Variants in TRIT1 observed in about 807,000 individuals in gnomAD.
The protein encoded by TRIT1 is tRNA dimethylallyltransferase.
In TRIT1, 43 loss-of-function variants were observed where a neutral mutation model predicts 51.2. That is an observed-to-expected ratio of 0.84 (90% CI 0.66 to 1.08). TRIT1 has a LOEUF of 1.08. TRIT1 is among the 50% of genes least tolerant of loss of function. TRIT1 has a pLI of 0.00. For synonymous variants in TRIT1, 184 were observed against 203.9 expected, an observed-to-expected ratio of 0.90 and a Z score of 0.83; for missense variants, 528 against 578.4, an observed-to-expected ratio of 0.91 and a Z score of 0.89.
At chr1:39,867,850 T>C (rs1377185684) in intron 1 of TRIT1, among the ~76,000 whole-genome samples, 1 of 152,198 alleles carries the variant, frequency 6.6e-6, no homozygotes, top group Non-Finnish European at 1.5e-5. Context: ...GACTCTGGTA[T>C]ATTTGTTTGC....
intron 5 of TRIT1, 78 bp from the exon 6 acceptor site, chr1:39,848,175 G>A (rs1175628554): frequency 1.4e-5 from 14 of 1,033,414 alleles, no homozygotes; most frequent in Middle Eastern, 2.1e-4. Flanking sequence ...GTGAACAGGT[G>A]GTCACAAAAA....
chr1:39,873,606 C>T lies in TRIT1; in HGVS notation c.174+9712G>A, dbSNP rs186686501. Among the ~76,000 whole-genome samples the T allele has an allele frequency of 1.2e-3, 188 of 152,192 alleles. 1 individual carries two copies. The highest frequency in any genetic ancestry group is 4.3e-3 in the African/African-American group (179 of 41,510). On this transcript the variant is annotated intron_variant, in intron 1 of 10. Transcript: ENST00000316891. ...CTATAATTTAGTTAATAGTATTGTACCTATATCAATTTCTTAGTTTTAATA... is the reference window on the plus strand; with the variant it reads ...CTATAATTTAGTTAATAGTATTGTATCTATATCAATTTCTTAGTTTTAATA...
Position 39,841,739 on chromosome 1 carries a change from G to T in TRIT1, c.*5C>A. The T allele has an allele frequency of 6.2e-7, 1 of 1,606,504 alleles. No individual in the cohort carries two copies. Reference sequence around the variant, plus strand: ...CACCTTTCCAAAGGCCACTGGACATGTCTCTTAAACGCTGCATTTCAGCTC... The same window carrying T: ...CACCTTTCCAAAGGCCACTGGACATTTCTCTTAAACGCTGCATTTCAGCTC... On this transcript the variant is annotated 3_prime_UTR_variant, in exon 11 of 11. Coordinates refer to ENST00000316891, the MANE Select transcript of TRIT1 (RefSeq NM_017646.6).
intron 6 of TRIT1, 100 bp downstream of exon 6, chr1:39,847,886 G>T: frequency 1.5e-6 from 2 of 1,365,606 alleles, no homozygotes; most frequent in Non-Finnish European, 2.0e-6. Flanking sequence ...CTGCAAAGAA[G>T]GCTGATAAAC....
At chr1:39,879,563 T>C (rs1379296595) in intron 1 of TRIT1, among the ~76,000 whole-genome samples, 2 of 151,844 alleles carry the variant, frequency 1.3e-5, no homozygotes, top group Non-Finnish European at 2.9e-5. Context: ...GGAGGACTGC[T>C]TGAACTCAGG....
At chr1:39,869,412 T>G (rs1269385185) in intron 1 of TRIT1, among the ~76,000 whole-genome samples, 2 of 152,206 alleles carry the variant, frequency 1.3e-5, no homozygotes, top group African/African-American at 2.4e-5. Flanking sequence ...GTGCTCAATG[T>G]TGCACAGGCT....
chr1:39,848,861 AC>A, intron 5 of TRIT1, among the ~76,000 whole-genome samples: 1 of 151,462 alleles, frequency 6.6e-6, no homozygotes, highest in Admixed American at 6.6e-5. Flanking sequence ...ATTCTAAACT[AC>A]TGAGCCAAGC....
intron 1 of TRIT1, among the ~76,000 whole-genome samples, chr1:39,860,991 C>T (rs928001725): frequency 5.3e-5 from 8 of 152,228 alleles, no homozygotes; most frequent in South Asian, 2.1e-4. Flanking sequence ...GCAGGAGAAT[C>T]GCTTGAACCC....
Position 39,839,119 on chromosome 1 carries a change from T to C in TRIT1, c.*2625A>G, listed in dbSNP as rs1652478191. Among the ~76,000 whole-genome samples, 1 of 152,200 alleles carries C rather than the reference T, an allele frequency of 6.6e-6. No individual in the cohort carries two copies. The highest frequency in any genetic ancestry group is 2.1e-4 in the South Asian group (1 of 4,830). On this transcript the variant is annotated 3_prime_UTR_variant, in exon 11 of 11. Transcript: ENST00000316891. ...GATGAACCTAATAGCTCACTGAGTA[T>C]TGGAATTAATTGCCAAAGCCATTTA...
chr1:39,850,931 G>T (rs1261165740), intron 4 of TRIT1, among the ~76,000 whole-genome samples: 1 of 152,158 alleles, frequency 6.6e-6, no homozygotes, highest in Non-Finnish European at 1.5e-5. Flanking sequence ...ACTGAGAAAA[G>T]AACTCACATA....
intron 8 of TRIT1, 175 bp downstream of exon 8, chr1:39,847,045 G>A: frequency 2.2e-6 from 1 of 455,756 alleles, no homozygotes; most frequent in South Asian, 4.2e-5. Flanking sequence ...TTTTTTTTTT[G>A]TGACATCCCA....
chr1:39,844,138 G>C lies in TRIT1; in HGVS notation c.1197C>G (p.Leu399=). ...ENKRSYHLCD[L]CDRIIIGDRE... is the part of the protein sequence containing the mutation. ...GATCCCCAATGATGATTCGATCACA[G>C]AGGTCACACAGGTGATAACTTCTCT... The change falls in exon 10 of 11, where the codon CTC becomes CTG. Residue 399 remains leucine (L), a synonymous_variant. Coordinates refer to ENST00000316891, the MANE Select transcript of TRIT1 (RefSeq NM_017646.6). 6.2e-7 allele frequency: 1 copy of C among 1,614,154 alleles called. No individual in the cohort carries two copies. Among genetic ancestry groups the C allele is most frequent in the Non-Finnish European group, 8.5e-7 (1 of 1,180,000 alleles).
At chr1:39,847,749 T>A in intron 6 of TRIT1, 89 bp from the exon 7 acceptor site, 1 of 1,595,714 alleles carries the variant, frequency 6.3e-7, no homozygotes, top group Non-Finnish European at 8.5e-7. Flanking sequence ...CCATTTCATC[T>A]GTCAGATAAG....
At chr1:39,844,060 C>T (rs1642075476) in intron 10 of TRIT1, 41 bp downstream of exon 10, 1 of 1,430,292 alleles carries the variant, frequency 7.0e-7, no homozygotes, top group East Asian at 2.3e-5. Context: ...CAATGTGAAC[C>T]CACCCTTATA....
intron 3 of TRIT1, among the ~76,000 whole-genome samples, chr1:39,853,705 C>T (rs1165434383): frequency 2.6e-5 from 4 of 152,168 alleles, no homozygotes; most frequent in African/African-American, 4.8e-5. Flanking sequence ...AGCCACCACG[C>T]CTGGCCTAAT....
At position 39,840,447 on chromosome 1, in the gene TRIT1, C is replaced by T. The variant is rs1652509834; in HGVS notation, c.*1297G>A. 6.6e-6 allele frequency among the ~76,000 whole-genome samples: 1 copy of T among 152,150 alleles called. No homozygotes were observed. The highest frequency in any genetic ancestry group is 6.5e-5 in the Admixed American group (1 of 15,278). The stretch of plus-strand genomic sequence containing the variant: ...ATGCTCCTCCTTCCATGATCCCTTC[C>T]CTTCCTTCTAAACTGAAATTCTACA... On this transcript the variant is annotated 3_prime_UTR_variant, in exon 11 of 11. Coordinates refer to ENST00000316891, the MANE Select transcript of TRIT1 (RefSeq NM_017646.6).
intron 10 of TRIT1, among the ~76,000 whole-genome samples, chr1:39,842,255 C>T (rs1293572626): frequency 1.3e-5 from 2 of 152,214 alleles, no homozygotes; most frequent in Non-Finnish European, 2.9e-5. Flanking sequence ...TCCAAGGTCA[C>T]ACAGCAGGTA....
intron 1 of TRIT1, among the ~76,000 whole-genome samples, chr1:39,864,302 C>T (rs1054385402): frequency 6.6e-6 from 1 of 151,436 alleles, no homozygotes; most frequent in African/African-American, 2.4e-5. Flanking sequence ...CCTTCAGCCC[C>T]AAACACAAAG....
intron 3 of TRIT1, 157 bp downstream of exon 3, chr1:39,853,813 C>T: frequency 1.7e-6 from 1 of 596,728 alleles, no homozygotes; most frequent in Non-Finnish European, 2.9e-6. Flanking sequence ...GAACACACTT[C>T]ACACATGGAG....
Sources: gnomAD v4.1 joint callset for allele counts (sites outside exome capture counted in the v4.1 genomes callset) on GRCh38, gnomAD v4.1.1 for gene constraint, MANE v1.5 for transcripts, NCBI Gene and HGNC (gene_info 2026-07-23, HGNC 2026-07-21) for gene names.